The following SLC39A9 variants were observed in gnomAD, a reference collection of about 807,000 sequenced individuals.
SLC39A9 encodes the protein zinc transporter ZIP9.
Under a neutral mutation model 28.4 loss-of-function variants are expected in SLC39A9, and 14 were observed. The observed-to-expected ratio is 0.49, with a 90% CI of 0.33 to 0.77. The LOEUF is 0.77. Among genes scored for constraint, SLC39A9 ranks in the 30% least tolerant of loss-of-function variants. The probability of loss-of-function intolerance (pLI) is 0.02; values close to 1 mark genes in which losing one functional copy is unlikely to be tolerated. For synonymous variants in SLC39A9, 119 were observed against 149.6 expected (o/e 0.80, Z 1.49); for missense variants, 283 against 381.1 (o/e 0.74, Z 2.14).
intron 1 of SLC39A9, among the ~76,000 whole-genome samples, chr14:69,411,361 T>C (rs1883255432): frequency 6.6e-6 from 1 of 152,230 alleles, no homozygotes; most frequent in Non-Finnish European, 1.5e-5. Context: ...AAGCTTGTGC[T>C]GATGGTTAAC....
At chr14:69,453,672 C>T (rs533661195) in intron 4 of SLC39A9, among the ~76,000 whole-genome samples, 5 of 152,040 alleles carry the variant, frequency 3.3e-5, no homozygotes, top group African/African-American at 1.2e-4. Flanking sequence ...GAGTAGGGAA[C>T]CTATTGCTGA....
intron 1 of SLC39A9, among the ~76,000 whole-genome samples, chr14:69,403,115 T>C (rs1385088425): frequency 1.3e-5 from 2 of 151,626 alleles, no homozygotes; most frequent in Non-Finnish European, 2.9e-5. Flanking sequence ...TAAAAATAAA[T>C]AAATAAAGGA....
At chr14:69,424,344 A>G (rs1884071580) in intron 2 of SLC39A9, 142 bp downstream of exon 2, 9 of 613,424 alleles carry the variant, frequency 1.5e-5, no homozygotes, top group South Asian at 9.6e-5. Context: ...AGATATCTTG[A>G]TATCTTTGAT....
chr14:69,424,131 T>C lies in SLC39A9; in HGVS notation c.134T>C (p.Leu45Pro). The C allele has an allele frequency of 6.2e-7, 1 of 1,613,964 alleles. No individual in the cohort carries two copies. Among genetic ancestry groups the C allele is most frequent in the Non-Finnish European group, 8.5e-7 (1 of 1,179,862 alleles). ...CTGGTGACTGTTTTGGGTGCTGGCC[T>C]TCTCTGTGGAACTGCTCTGGCAGTC... ...LKLVTVLGAG[L>P]LCGTALAVIV... is the part of the protein sequence containing the mutation. Residue 45 changes from leucine to proline, a missense_variant, in exon 2 of 7, where the codon CTT (leucine) becomes CCT (proline). By Grantham distance (98) the Leu-to-Pro change is moderately conservative. Coordinates refer to ENST00000336643, the MANE Select transcript of SLC39A9 (RefSeq NM_018375.5).
rs1262527324 is a variant in SLC39A9 at position 69,460,160 on chromosome 14, G to C, written c.*1567G>C. 1.0e-6 allele frequency: 1 copy of C among 985,662 alleles called. No homozygotes were observed. Among genetic ancestry groups the C allele is most frequent in the Non-Finnish European group, 1.2e-6 (1 of 829,816 alleles). The allele number at this position is 985,662 out of a possible 1,614,324, so 61.1% of individuals were successfully genotyped here. The stretch of plus-strand genomic sequence containing the variant: ...TTTCAAAACACATTACACTAAGGGG[G>C]AACCAAGACTAGTTTCTTCAGGGCA... On this transcript the variant is annotated 3_prime_UTR_variant, in exon 7 of 7. Transcript: ENST00000336643.
rs1886134607 is a variant in SLC39A9, at chr14:69,462,083, G to A, written c.*3490G>A. ...ATGTGTAACTTGTGGGAAAGAACTA[G>A]ACAACCATTTAGGAATTCTCTAGAT... On this transcript the variant is annotated 3_prime_UTR_variant, in exon 7 of 7. Coordinates refer to ENST00000336643, the MANE Select transcript of SLC39A9 (RefSeq NM_018375.5). 1 of 187,984 alleles carries A rather than the reference G, an allele frequency of 5.3e-6. No individual in the cohort carries two copies. The highest frequency in any genetic ancestry group is 2.3e-5 in the African/African-American group (1 of 42,828). The allele number at this position is 187,984 out of a possible 1,614,324, so 11.6% of individuals were successfully genotyped here.
chr14:69,448,512 T>C (rs1885453190), intron 3 of SLC39A9, among the ~76,000 whole-genome samples: 3 of 152,066 alleles, frequency 2.0e-5, no homozygotes, highest in Admixed American at 1.3e-4. Context: ...CCCGTAGTCT[T>C]AAGGACATAC....
intron 2 of SLC39A9, among the ~76,000 whole-genome samples, chr14:69,433,560 G>A (rs73275016): frequency 0.011 from 1,675 of 152,068 alleles, 30 homozygotes; most frequent in African/African-American, 0.037. Context: ...TGCAATCTTG[G>A]CCTGGCATTT....
intron 1 of SLC39A9, among the ~76,000 whole-genome samples, chr14:69,421,319 A>G (rs926749412): frequency 1.3e-5 from 2 of 152,164 alleles, no homozygotes; most frequent in Admixed American, 1.3e-4. Context: ...CCTTGGTATC[A>G]CCAGCAGAGG....
In SLC39A9 at chr14:69,458,682, G is replaced by T; in HGVS notation, c.*89G>T. 4.1e-6 allele frequency: 6 copies of T among 1,461,214 alleles called. No individual in the cohort carries two copies. In the South Asian group the frequency reaches 8.3e-5, roughly 20 times the overall value. 90.5% of individuals were successfully genotyped at this position (1,461,214 alleles called of 1,614,324 possible). On this transcript the variant is annotated 3_prime_UTR_variant, in exon 7 of 7. Coordinates refer to ENST00000336643, the MANE Select transcript of SLC39A9 (RefSeq NM_018375.5). ...CAGCTACTCACTTCCTCAGTCTCTT[G>T]TCTCACCTTGCGCATCTCTACATGT...
chr14:69,452,582 G>T (rs140254978), intron 3 of SLC39A9, among the ~76,000 whole-genome samples: 1 of 152,032 alleles, frequency 6.6e-6, no homozygotes, highest in Non-Finnish European at 1.5e-5. Flanking sequence ...CACCTGCCTC[G>T]GCCTCCCAAA....
Position 69,461,428 on chromosome 14 carries a change from A to G in SLC39A9, c.*2835A>G, listed in dbSNP as rs1886106302. 1.6e-6 allele frequency: 2 copies of G among 1,274,038 alleles called. No individual in the cohort carries two copies. The highest frequency in any genetic ancestry group is 1.5e-5 in the African/African-American group (1 of 66,834). The allele number at this position is 1,274,038 out of a possible 1,614,324, so 78.9% of individuals were successfully genotyped here. On this transcript the variant is annotated 3_prime_UTR_variant, in exon 7 of 7. Transcript: ENST00000336643. ...CACTATTGCCAAATTTTTTTTTAGC[A>G]AAGATTCTGCACTGGAACGTAGACA...
In SLC39A9 at chr14:69,461,519, C is replaced by G. The variant is rs1441961949; in HGVS notation, c.*2926C>G. On this transcript the variant is annotated 3_prime_UTR_variant, in exon 7 of 7. Coordinates refer to ENST00000336643, the MANE Select transcript of SLC39A9 (RefSeq NM_018375.5). Reference sequence around the variant, plus strand: ...TCTTTCTCCCCGCTTTCACCTCTTTCTTTCCCAATTCAAAACAGCCAAGTG... The same window carrying G: ...TCTTTCTCCCCGCTTTCACCTCTTTGTTTCCCAATTCAAAACAGCCAAGTG... 1.4e-6 allele frequency: 2 copies of G among 1,441,398 alleles called. No homozygotes were observed. The highest frequency in any genetic ancestry group is 2.9e-5 in the African/African-American group (2 of 69,948). The allele number at this position is 1,441,398 out of a possible 1,614,324, so 89.3% of individuals were successfully genotyped here.
At chr14:69,456,406 C>T (rs1198973239) in intron 6 of SLC39A9, among the ~76,000 whole-genome samples, 2 of 152,198 alleles carry the variant, frequency 1.3e-5, no homozygotes, top group Non-Finnish European at 2.9e-5. Flanking sequence ...TTATAACACA[C>T]TGTTAGCAAC....
chr14:69,403,786 G>T (rs1882764993), intron 1 of SLC39A9, among the ~76,000 whole-genome samples: 1 of 152,198 alleles, frequency 6.6e-6, no homozygotes. Context: ...GCTCACGCCT[G>T]TAATCCCAGC....
chr14:69,446,957 G>T (rs1885353673), intron 3 of SLC39A9, among the ~76,000 whole-genome samples: 1 of 148,172 alleles, frequency 6.7e-6, no homozygotes. Flanking sequence ...TAGAGAGAGA[G>T]AGAGAGAGAG....
rs772899152 is a variant in SLC39A9 at position 69,442,280 on chromosome 14, A to T, written c.403+14A>T. On this transcript the variant is annotated intron_variant, in intron 3 of 6. Transcript: ENST00000336643. Reference sequence around the variant, plus strand: ...ATTCTACTGACGGTGAGTGGCTCCAAGGCTTTCTGGGCAGTGCAATACATT... The same window carrying T: ...ATTCTACTGACGGTGAGTGGCTCCATGGCTTTCTGGGCAGTGCAATACATT... 6.2e-7 allele frequency: 1 copy of T among 1,612,778 alleles called. No individual in the cohort carries two copies. The highest frequency in any genetic ancestry group is 1.3e-5 in the African/African-American group (1 of 74,916).
At chr14:69,409,796 G>T (rs1012192215) in intron 1 of SLC39A9, among the ~76,000 whole-genome samples, 1 of 152,026 alleles carries the variant, frequency 6.6e-6, no homozygotes, top group African/African-American at 2.4e-5. Context: ...TTTTTTTCAG[G>T]GATAGAATGA....
intron 4 of SLC39A9, 51 bp from the exon 5 acceptor site, chr14:69,454,761 T>G: frequency 6.9e-7 from 1 of 1,454,816 alleles, no homozygotes; most frequent in Non-Finnish European, 9.7e-7. Flanking sequence ...ACTACACTGT[T>G]ATTGTTGTTG....
Sources: gnomAD v4.1 joint callset for allele counts (sites outside exome capture counted in the v4.1 genomes callset) on GRCh38, gnomAD v4.1.1 for gene constraint, MANE v1.5 for transcripts, NCBI Gene and HGNC (gene_info 2026-07-23, HGNC 2026-07-21) for gene names.